The following PDE4D variants were observed in gnomAD, a reference collection of about 807,000 sequenced individuals.
PDE4D encodes the protein phosphodiesterase 4D, also known as 3',5'-cyclic-AMP phosphodiesterase 4D.
Under a neutral mutation model 87.4 loss-of-function variants are expected in PDE4D, and 24 were observed. The ratio of observed to expected loss-of-function variants is 0.27; its 90% CI spans 0.20 to 0.39. The LOEUF (loss-of-function observed/expected upper bound fraction) is 0.39, where lower values mean the gene tolerates loss of function less well. Ranked by LOEUF, PDE4D falls within the 10% of genes least tolerant of loss-of-function variation. The pLI is 1.00. For synonymous variants in PDE4D, 384 were observed against 383.2 expected (o/e 1.00, Z -0.02); for missense variants, 714 against 1,041.0 (o/e 0.69, Z 4.32).
intron 1 of PDE4D, among the ~76,000 whole-genome samples, chr5:59,762,792 T>TTA (rs1482765011): frequency 1.4e-5 from 2 of 143,444 alleles, no homozygotes; most frequent in Non-Finnish European, 3.0e-5. Flanking sequence ...CACACATATT[T>TTA]TATATATATA....
intron 1 of PDE4D, among the ~76,000 whole-genome samples, chr5:60,333,209 T>C (rs1217299576): frequency 6.6e-6 from 1 of 152,222 alleles, no homozygotes; most frequent in Non-Finnish European, 1.5e-5. Flanking sequence ...ACTCCAGGGC[T>C]CATCTTTAAA....
At chr5:58,977,729 C>T (rs1446526203) in intron 11 of PDE4D, among the ~76,000 whole-genome samples, 2 of 152,226 alleles carry the variant, frequency 1.3e-5, no homozygotes, top group East Asian at 3.9e-4. Flanking sequence ...CTGTGAATTA[C>T]CTACCCTGCA....
intron 2 of PDE4D, among the ~76,000 whole-genome samples, chr5:60,010,701 C>T (rs1428519360): frequency 1.3e-5 from 2 of 152,096 alleles, no homozygotes; most frequent in Non-Finnish European, 2.9e-5. Flanking sequence ...TATTATGATG[C>T]AGACTGAATA....
chr5:59,974,302 A>G (rs1052204466), intron 3 of PDE4D, among the ~76,000 whole-genome samples: 8 of 152,332 alleles, frequency 5.3e-5, no homozygotes, highest in African/African-American at 1.9e-4. Flanking sequence ...GCAAACTCAA[A>G]TGCTAATTCA....
intron 1 of PDE4D, among the ~76,000 whole-genome samples, chr5:60,279,023 G>A (rs1008023379): frequency 6.6e-6 from 1 of 152,134 alleles, no homozygotes; most frequent in Non-Finnish European, 1.5e-5. Flanking sequence ...TAAATCTTCT[G>A]TTTTAATTGG....
At chr5:59,432,206 T>G (rs947461481) in intron 1 of PDE4D, among the ~76,000 whole-genome samples, 1 of 152,012 alleles carries the variant, frequency 6.6e-6, no homozygotes, top group African/African-American at 2.4e-5. Context: ...CCCTCACACA[T>G]GTATAGGGAT....
chr5:59,131,800 T>C (rs1391935340), intron 5 of PDE4D, among the ~76,000 whole-genome samples: 3 of 152,278 alleles, frequency 2.0e-5, no homozygotes, highest in South Asian at 2.1e-4. Flanking sequence ...AATAGTTTTG[T>C]TTGGCAAAAA....
chr5:59,156,026 A>G (rs1300916917), intron 5 of PDE4D, among the ~76,000 whole-genome samples: 1 of 152,128 alleles, frequency 6.6e-6, no homozygotes, highest in Non-Finnish European at 1.5e-5. Flanking sequence ...AGAGGGGCAC[A>G]GCAGGAACTA....
intron 2 of PDE4D, among the ~76,000 whole-genome samples, chr5:60,084,788 G>C (rs1774354246): frequency 6.6e-6 from 1 of 152,172 alleles, no homozygotes; most frequent in African/African-American, 2.4e-5. Flanking sequence ...CATAGTTTCT[G>C]TCCTGGTGGA....
intron 1 of PDE4D, among the ~76,000 whole-genome samples, chr5:59,285,229 A>ATT (rs1268551393): frequency 6.6e-6 from 1 of 151,068 alleles, no homozygotes; most frequent in African/African-American, 2.4e-5. Flanking sequence ...AAAAAAAAAG[A>ATT]AAACAGGGAA....
intron 1 of PDE4D, among the ~76,000 whole-genome samples, chr5:59,244,166 A>C (rs931330082): frequency 6.6e-6 from 1 of 151,940 alleles, no homozygotes; most frequent in African/African-American, 2.4e-5. Context: ...ATGTTGGCTC[A>C]TGCTTGTAAT....
chr5:59,248,454 G>A (rs141461632), intron 1 of PDE4D, among the ~76,000 whole-genome samples: 162 of 151,866 alleles, frequency 1.1e-3, no homozygotes, highest in African/African-American at 3.7e-3. Flanking sequence ...CCCAGTGAAA[G>A]GGCTCATTGC....
At chr5:59,951,825 A>ATTCC (rs1758323142) in intron 3 of PDE4D, among the ~76,000 whole-genome samples, 2 of 152,196 alleles carry the variant, frequency 1.3e-5, no homozygotes, top group African/African-American at 2.4e-5. Context: ...GATTATAAAA[A>ATTCC]TATAGAGAAA....
intron 2 of PDE4D, among the ~76,000 whole-genome samples, chr5:60,160,264 T>TAG (rs1388069055): frequency 5.3e-5 from 8 of 152,230 alleles, no homozygotes; most frequent in African/African-American, 1.9e-4. Context: ...AGGCTATTAG[T>TAG]AGTTAACTTT....
chr5:59,890,254 TAC>T (rs56258601), intron 1 of PDE4D, among the ~76,000 whole-genome samples: 12,981 of 145,234 alleles, frequency 0.089, 558 homozygotes, highest in East Asian at 0.14. Flanking sequence ...GGTGCGCACG[TAC>T]ACACACACAC....
At chr5:60,132,216 A>G (rs911644817) in intron 2 of PDE4D, among the ~76,000 whole-genome samples, 12 of 152,232 alleles carry the variant, frequency 7.9e-5, no homozygotes, top group African/African-American at 2.9e-4. Flanking sequence ...AATATTAGAA[A>G]CAACATTTGT....
At chr5:59,159,566 G>A (rs1376780547) in intron 5 of PDE4D, among the ~76,000 whole-genome samples, 3 of 152,080 alleles carry the variant, frequency 2.0e-5, no homozygotes, top group Non-Finnish European at 2.9e-5. Flanking sequence ...TTCTCTAGAG[G>A]TACAGTGACG....
intron 1 of PDE4D, among the ~76,000 whole-genome samples, chr5:59,222,477 C>T (rs1391688748): frequency 1.3e-5 from 2 of 152,066 alleles, no homozygotes; most frequent in East Asian, 3.9e-4. Context: ...GTGGGTGGGG[C>T]AATGAGGGCC....
At chr5:59,099,963 G>A (rs974632712) in intron 5 of PDE4D, among the ~76,000 whole-genome samples, 3 of 152,268 alleles carry the variant, frequency 2.0e-5, no homozygotes, top group African/African-American at 7.2e-5. Context: ...CTTCTTTTAT[G>A]TTCCAAGCTT....
Sources: allele counts gnomAD v4.1 joint callset (sites outside exome capture counted in the v4.1 genomes callset), GRCh38; gene constraint gnomAD v4.1.1; transcripts MANE v1.5; gene names NCBI Gene and HGNC (gene_info 2026-07-23, HGNC 2026-07-21).